GPC6: variants seen among roughly 807,000 people sequenced by gnomAD.
The protein encoded by GPC6 is glypican-6.
GPC6 carries 14 observed loss-of-function variants against 55.2 expected under a neutral mutation model. The ratio of observed to expected loss-of-function variants is 0.25; its 90% CI spans 0.17 to 0.40. The LOEUF (loss-of-function observed/expected upper bound fraction) is 0.40, where lower values mean the gene tolerates loss of function less well. GPC6 is among the 10% of genes least tolerant of loss of function. The pLI is 1.00. For missense variants in GPC6, 641 were observed against 708.5 expected, an observed-to-expected ratio of 0.90 and a Z score of 1.08; for synonymous variants, 278 against 259.6, an observed-to-expected ratio of 1.07 and a Z score of -0.68.
At chr13:94,097,964 G>T (rs942838552) in intron 4 of GPC6, among the ~76,000 whole-genome samples, 1 of 152,050 alleles carries the variant, frequency 6.6e-6, no homozygotes, top group East Asian at 1.9e-4. Context: ...CCAGGAAATT[G>T]CTCTCATTCA....
chr13:94,276,671 T>A (rs1484588696), intron 4 of GPC6, among the ~76,000 whole-genome samples: 1 of 152,076 alleles, frequency 6.6e-6, no homozygotes, highest in Non-Finnish European at 1.5e-5. Flanking sequence ...CTCCCACCTA[T>A]GAGTGAAGAC....
chr13:93,820,656 C>T (rs1380500549), intron 2 of GPC6, among the ~76,000 whole-genome samples: 1 of 148,966 alleles, frequency 6.7e-6, no homozygotes, highest in African/African-American at 2.4e-5. Context: ...TTTCTTAACC[C>T]AGTATCAAAG....
In GPC6 at chr13:93,393,157, G is replaced by GAA. The variant is rs1875709197; in HGVS notation, c.161-152105_161-152104insAA. ...AGAGAGAGAGAGAGAGAGAGAGAGA[G>GAA]AGTGAGAGTCTCTCACTGTCGTCTG... is the stretch of plus-strand genomic sequence containing the variant. On this transcript the variant is annotated intron_variant, in intron 1 of 8. Transcript: ENST00000377047. Among the ~76,000 whole-genome samples, 40 of 141,540 alleles carry GAA rather than the reference G, an allele frequency of 2.8e-4. 1 individual carries two copies. Among genetic ancestry groups the GAA allele is most frequent in the African/African-American group, 1.0e-3 (39 of 39,164 alleles). 92.9% of individuals were successfully genotyped at this position (141,540 alleles called of 152,430 possible).
At chr13:93,589,924 A>G (rs2077982224) in intron 2 of GPC6, among the ~76,000 whole-genome samples, 1 of 152,242 alleles carries the variant, frequency 6.6e-6, no homozygotes, top group South Asian at 2.1e-4. Flanking sequence ...CAAATCATTT[A>G]TACATAGCAT....
intron 4 of GPC6, among the ~76,000 whole-genome samples, chr13:94,187,598 T>C (rs1435466693): frequency 6.6e-6 from 1 of 152,210 alleles, no homozygotes; most frequent in Non-Finnish European, 1.5e-5. Flanking sequence ...GATCTTAATA[T>C]GGATTTAGGT....
chr13:93,944,104 C>G (rs1206283662), intron 3 of GPC6, among the ~76,000 whole-genome samples: 1 of 152,118 alleles, frequency 6.6e-6, no homozygotes, highest in Non-Finnish European at 1.5e-5. Flanking sequence ...TGCCTTTTTA[C>G]AAAAGACTTC....
intron 3 of GPC6, among the ~76,000 whole-genome samples, chr13:93,940,413 A>AATGGATGG (rs141500976): frequency 4.7e-4 from 70 of 150,046 alleles, no homozygotes; most frequent in East Asian, 2.6e-3. Flanking sequence ...TGGATGGATG[A>AATGGATGG]ATGGATGGAT....
At chr13:94,031,440 C>T (rs757899700) in intron 4 of GPC6, among the ~76,000 whole-genome samples, 42 of 152,158 alleles carry the variant, frequency 2.8e-4, no homozygotes, top group South Asian at 6.2e-4. Flanking sequence ...ATTCCACTTG[C>T]TGCATCCAAA....
At chr13:94,190,736 A>C (rs1312066376) in intron 4 of GPC6, among the ~76,000 whole-genome samples, 1 of 152,188 alleles carries the variant, frequency 6.6e-6, no homozygotes, top group Non-Finnish European at 1.5e-5. Context: ...TACACCCTGA[A>C]GTATTAAGGA....
intron 1 of GPC6, among the ~76,000 whole-genome samples, chr13:93,322,198 C>T (rs774159544): frequency 2.0e-5 from 3 of 151,994 alleles, no homozygotes; most frequent in Admixed American, 6.6e-5. Flanking sequence ...AGGTTTGTTA[C>T]GTAAGTAAAC....
chr13:94,008,597 C>A (rs988601407), intron 3 of GPC6, among the ~76,000 whole-genome samples: 6 of 151,770 alleles, frequency 4.0e-5, no homozygotes, highest in Admixed American at 2.6e-4. Context: ...GGTTGCAGTG[C>A]GCCGAGATCA....
intron 3 of GPC6, among the ~76,000 whole-genome samples, chr13:93,840,813 T>C (rs1435792095): frequency 6.6e-6 from 1 of 152,110 alleles, no homozygotes; most frequent in Non-Finnish European, 1.5e-5. Flanking sequence ...GGGTGAAATA[T>C]GCCAATTAAA....
chr13:94,288,422 C>T (rs1019896828), intron 5 of GPC6, among the ~76,000 whole-genome samples: 3 of 151,994 alleles, frequency 2.0e-5, no homozygotes, highest in African/African-American at 7.3e-5. Context: ...CCACACCCAC[C>T]TCCCTCCATG....
intron 4 of GPC6, among the ~76,000 whole-genome samples, chr13:94,208,812 G>A (rs1340277968): frequency 1.4e-5 from 2 of 144,976 alleles, no homozygotes; most frequent in South Asian, 2.2e-4. Context: ...CCAGCTACTC[G>A]AGACGCTGAA....
intron 4 of GPC6, among the ~76,000 whole-genome samples, chr13:94,152,397 A>G (rs1193907903): frequency 6.6e-6 from 1 of 152,140 alleles, no homozygotes; most frequent in Non-Finnish European, 1.5e-5. Context: ...CTGCTTCTCA[A>G]TCTCCCAACC....
At chr13:93,315,828 C>A (rs1349714966) in intron 1 of GPC6, among the ~76,000 whole-genome samples, 1 of 151,462 alleles carries the variant, frequency 6.6e-6, no homozygotes, top group East Asian at 1.9e-4. Context: ...CTGCCCCATC[C>A]CTTTATCTCT....
At chr13:93,581,214 C>T (rs1270492894) in intron 2 of GPC6, among the ~76,000 whole-genome samples, 6 of 152,318 alleles carry the variant, frequency 3.9e-5, no homozygotes, top group African/African-American at 1.4e-4. Context: ...ATCTAACTTT[C>T]AGAAAGGCAG....
intron 1 of GPC6, among the ~76,000 whole-genome samples, chr13:93,419,390 G>A (rs1459446782): frequency 5.3e-5 from 8 of 151,764 alleles, no homozygotes; most frequent in South Asian, 4.2e-4. Flanking sequence ...TCCTTATATC[G>A]GTAATGTTTG....
chr13:94,271,364 ACACGCGCGCGCGCGCGCG>A (rs1892008857), intron 4 of GPC6, among the ~76,000 whole-genome samples: 2 of 91,776 alleles, frequency 2.2e-5, no homozygotes, highest in African/African-American at 4.7e-5. Context: ...ATACACACAC[ACACGCGCGCGCGCGCGCG>A]CACACACACA....
Sources: gnomAD v4.1 joint callset for allele counts (sites outside exome capture counted in the v4.1 genomes callset) on GRCh38, gnomAD v4.1.1 for gene constraint, MANE v1.5 for transcripts, NCBI Gene and HGNC (gene_info 2026-07-23, HGNC 2026-07-21) for gene names.